NLGN4X: variants seen among roughly 807,000 people sequenced by gnomAD.
NLGN4X encodes the protein neuroligin 4 X-linked, also known as neuroligin-4, X-linked.
Under a neutral mutation model 40.3 loss-of-function variants are expected in NLGN4X, and 3 were observed. The observed-to-expected ratio is 0.07, with a 90% confidence interval of 0.03 to 0.19. NLGN4X has a LOEUF of 0.19. NLGN4X is among the 10% of genes least tolerant of loss of function. NLGN4X has a pLI of 1.00. For synonymous variants in NLGN4X, 270 were observed against 306.8 expected (o/e 0.88, Z 1.25); for missense variants, 382 against 708.3 (o/e 0.54, Z 5.23).
chrX:6,094,821 G>T (rs1416647301), intron 2 of NLGN4X, among the ~76,000 whole-genome samples: 4 of 111,275 alleles, frequency 3.6e-5, no homozygotes, highest in African/African-American at 6.6e-5. Context: ...ATACAGAAAA[G>T]TCATCGGTTG....
At chrX:6,212,403 C>T (rs1924696980) in intron 1 of NLGN4X, among the ~76,000 whole-genome samples, 1 of 111,114 alleles carries the variant, frequency 9.0e-6, no homozygotes, top group Non-Finnish European at 1.9e-5. Context: ...TGTTAAAACA[C>T]ATCATAAGGT....
chrX:6,227,772 G>C (rs1366767452), intron 1 of NLGN4X: 4 of 110,374 alleles, frequency 3.6e-5, no homozygotes, highest in African/African-American at 1.3e-4. Flanking sequence ...AATCACGTGC[G>C]TTATTTCGTG....
chrX:5,912,367 A>G (rs1569125941), intron 3 of NLGN4X, among the ~76,000 whole-genome samples: 1 of 111,398 alleles, frequency 9.0e-6, no homozygotes, highest in Non-Finnish European at 1.9e-5. Context: ...CTCATTCCCT[A>G]GCCCCTGTCT....
chrX:5,981,994 C>T (rs762666066), intron 3 of NLGN4X, among the ~76,000 whole-genome samples: 1 of 111,429 alleles, frequency 9.0e-6, no homozygotes, highest in South Asian at 3.8e-4. Flanking sequence ...AATTAAATCC[C>T]TAAATTTGAA....
intron 3 of NLGN4X, among the ~76,000 whole-genome samples, chrX:5,962,543 T>C (rs1054676079): frequency 8.9e-6 from 1 of 112,475 alleles, no homozygotes; most frequent in Non-Finnish European, 1.9e-5. Context: ...AAAATGCACT[T>C]GCTATATTTT....
rs143049773 is a variant in NLGN4X, at chrX:6,063,903, C to T, written c.473-34471G>A. ...TCCTTCCAAGGTTAGTGATACCTAA[C>T]TCACATGGTTTCTTCCAGTCCTACA... On this transcript the variant is annotated intron_variant, in intron 2 of 5. Coordinates refer to ENST00000381095, the MANE Select transcript of NLGN4X (RefSeq NM_181332.3). Among the ~76,000 whole-genome samples the T allele has an allele frequency of 1.2e-4, 14 of 112,204 alleles. No individual in the cohort carries two copies. The East Asian group carries it at 3.4e-3, about 27-fold the overall frequency.
rs1166189568 is a variant in NLGN4X, at chrX:6,087,188, CCTCT to C, written c.473-57760_473-57757del. Among the ~76,000 whole-genome samples the C allele has an allele frequency of 2.0e-4, 22 of 111,745 alleles. No homozygotes were observed. In the Admixed American group the frequency reaches 2.1e-3, roughly 11 times the overall value. On this transcript the variant is annotated intron_variant, in intron 2 of 5. Transcript: ENST00000381095. ...TTTTCATTTTCTCTGCCAATCAAAG[CCTCT>C]CTCTAAGGGCACCGTACCATAGTCA...
At chrX:6,008,236 G>A (rs973592048) in intron 3 of NLGN4X, among the ~76,000 whole-genome samples, 5 of 111,792 alleles carry the variant, frequency 4.5e-5, no homozygotes, top group African/African-American at 9.8e-5. Context: ...ACCATGACAC[G>A]CTAATTCCCT....
At chrX:6,191,807 T>C (rs1355666681) in intron 1 of NLGN4X, among the ~76,000 whole-genome samples, 1 of 111,511 alleles carries the variant, frequency 9.0e-6, no homozygotes, top group African/African-American at 3.3e-5. Context: ...TGCAGTGAGC[T>C]GAAATTCTGC....
At chrX:6,224,896 A>G in intron 1 of NLGN4X, among the ~76,000 whole-genome samples, 1 of 102,277 alleles carries the variant, frequency 9.8e-6, no homozygotes, top group Non-Finnish European at 2.0e-5. Flanking sequence ...CTGACTTAAA[A>G]CTGATGAAGT....
chrX:6,183,723 TTTGG>T (rs1921731989), intron 1 of NLGN4X, among the ~76,000 whole-genome samples: 1 of 111,785 alleles, frequency 8.9e-6, no homozygotes, highest in South Asian at 3.7e-4. Flanking sequence ...TCGGTAATTT[TTTGG>T]TTGGATAGTC....
intron 3 of NLGN4X, among the ~76,000 whole-genome samples, chrX:5,978,981 A>G (rs1399842307): frequency 9.0e-6 from 1 of 110,774 alleles, no homozygotes; most frequent in Non-Finnish European, 1.9e-5. Flanking sequence ...AAATATACAT[A>G]TATGTGTATT....
intron 2 of NLGN4X, among the ~76,000 whole-genome samples, chrX:6,100,477 C>T (rs1206466969): frequency 8.9e-6 from 1 of 112,418 alleles, no homozygotes; most frequent in African/African-American, 3.2e-5. Context: ...AGGGTCTTCA[C>T]TCAATCAAGT....
chrX:6,078,288 G>A (rs367665451), intron 2 of NLGN4X, among the ~76,000 whole-genome samples: 12 of 112,195 alleles, frequency 1.1e-4, no homozygotes, highest in East Asian at 8.4e-4. Flanking sequence ...GTTTGCTATC[G>A]TATCTTCAGA....
At chrX:5,978,703 GAAGTTA>G (rs1345693867) in intron 3 of NLGN4X, among the ~76,000 whole-genome samples, 1 of 112,209 alleles carries the variant, frequency 8.9e-6, no homozygotes, top group African/African-American at 3.2e-5. Context: ...GTGGGTTTCT[GAAGTTA>G]TAGTTGTAAA....
chrX:5,908,163 GGAGAGAGACAGAGAGGAC>G, intron 4 of NLGN4X, among the ~76,000 whole-genome samples: 1 of 105,724 alleles, frequency 9.5e-6, no homozygotes, highest in Non-Finnish European at 1.9e-5. Flanking sequence ...ACATAGAGAG[GGAGAGAGACAGAGAGGAC>G]GAGAGAGGGA....
At chrX:6,053,442 A>G (rs968616516) in intron 2 of NLGN4X, among the ~76,000 whole-genome samples, 1 of 111,007 alleles carries the variant, frequency 9.0e-6, no homozygotes, top group Admixed American at 9.7e-5. Context: ...ACAGAGCTGC[A>G]GCAAGCACCT....
intron 2 of NLGN4X, among the ~76,000 whole-genome samples, chrX:6,078,850 C>T (rs772985556): frequency 4.7e-4 from 52 of 111,214 alleles, no homozygotes; most frequent in Non-Finnish European, 8.3e-4. Flanking sequence ...GTAATCCCCA[C>T]GTGTTGGGGG....
rs893362001 is a variant in NLGN4X, at chrX:5,893,522, G to A, written c.1746C>T (p.Tyr582=). The change falls in exon 6 of 6, where the codon TAC becomes TAT. Residue 582 remains tyrosine (Y), a synonymous_variant. Coordinates refer to ENST00000381095, the MANE Select transcript of NLGN4X (RefSeq NM_181332.3). ...ACCAGAAAGCCACTTTCGTTGCCCG[G>A]TAGTGATCTCTCACTCTGGGTTTCA... ...IGLKPRVRDH[Y]RATKVAFWLE... 1.6e-5 allele frequency: 19 copies of A among 1,206,704 alleles called. No homozygotes were observed. Among genetic ancestry groups the A allele is most frequent in the Admixed American group, 2.2e-5 (1 of 45,583 alleles).
Sources: gnomAD v4.1 joint callset for allele counts (sites outside exome capture counted in the v4.1 genomes callset) on GRCh38, gnomAD v4.1.1 for gene constraint, MANE v1.5 for transcripts, NCBI Gene and HGNC (gene_info 2026-07-23, HGNC 2026-07-21) for gene names.